The following IL1RAPL1 variants were observed in gnomAD, a reference collection of about 807,000 sequenced individuals.
The protein encoded by IL1RAPL1 is interleukin-1 receptor accessory protein-like 1.
Under a neutral mutation model 48.4 loss-of-function variants are expected in IL1RAPL1, and 3 were observed. The observed-to-expected ratio is 0.06, with a 90% CI of 0.03 to 0.16. The LOEUF (loss-of-function observed/expected upper bound fraction) is 0.16, where lower values mean the gene tolerates loss of function less well. IL1RAPL1 is among the 10% of genes least tolerant of loss of function. The probability of loss-of-function intolerance (pLI) is 1.00; values close to 1 mark genes in which losing one functional copy is unlikely to be tolerated. For synonymous variants in IL1RAPL1, 185 were observed against 187.7 expected, an observed-to-expected ratio of 0.99 and a Z score of 0.12; for missense variants, 349 against 530.6, an observed-to-expected ratio of 0.66 and a Z score of 3.36.
At chrX:28,790,753 T>C (rs1569173428) in intron 2 of IL1RAPL1, among the ~76,000 whole-genome samples, 2 of 112,506 alleles carry the variant, frequency 1.8e-5, no homozygotes, top group East Asian at 5.6e-4. Flanking sequence ...TATGATGTTG[T>C]GGTTTATGTA....
At chrX:29,040,088 G>A (rs1483966395) in intron 2 of IL1RAPL1, among the ~76,000 whole-genome samples, 2 of 112,074 alleles carry the variant, frequency 1.8e-5, no homozygotes, top group Non-Finnish European at 3.8e-5. Context: ...TTATTACAAC[G>A]GTCAGTTACA....
At position 28,726,901 on chromosome X, in the gene IL1RAPL1, A is replaced by G. The variant is rs1014820924; in HGVS notation, c.-24-62419A>G. ...TTAGATACATTGCAGAAACAGAGGA[A>G]TCTAATTGTAGATGCATCTGGCTCA... On this transcript the variant is annotated intron_variant, in intron 1 of 10. Coordinates refer to ENST00000378993, the MANE Select transcript of IL1RAPL1 (RefSeq NM_014271.4). 2.7e-5 allele frequency among the ~76,000 whole-genome samples: 3 copies of G among 111,935 alleles called. No individual in the cohort carries two copies. In the Admixed American group the frequency reaches 2.9e-4, roughly 11 times the overall value.
intron 1 of IL1RAPL1, among the ~76,000 whole-genome samples, chrX:28,674,380 A>C (rs770475553): frequency 9.0e-6 from 1 of 111,680 alleles, no homozygotes; most frequent in African/African-American, 3.2e-5. Context: ...GCACTCAATG[A>C]AACAATTTAA....
At chrX:29,798,382 G>A (rs1434449677) in intron 6 of IL1RAPL1, among the ~76,000 whole-genome samples, 1 of 111,620 alleles carries the variant, frequency 9.0e-6, no homozygotes, top group East Asian at 2.8e-4. Context: ...CTTGCCTCTC[G>A]GTTTTATAGT....
rs1416633851 is a variant in IL1RAPL1, at chrX:29,792,565, AAAGG to A, written c.778+124062_778+124065del. Reference sequence around the variant, plus strand: ...TTAGATGTAAGGTCTGAGGATCTTAAAAGGTATTTTGGGAAGGAAAAAAGAGCAA... The same window carrying A: ...TTAGATGTAAGGTCTGAGGATCTTAATATTTTGGGAAGGAAAAAAGAGCAA... On this transcript the variant is annotated intron_variant, in intron 6 of 10. Coordinates refer to ENST00000378993, the MANE Select transcript of IL1RAPL1 (RefSeq NM_014271.4). Among the ~76,000 whole-genome samples the A allele has an allele frequency of 5.4e-5, 6 of 111,307 alleles. No individual in the cohort carries two copies. The South Asian group carries it at 1.9e-3, about 35-fold the overall frequency.
rs1357611656 is a variant in IL1RAPL1, at chrX:29,568,196, A to G, written c.704-100234A>G. On this transcript the variant is annotated intron_variant, in intron 5 of 10. Transcript: ENST00000378993. ...ATTATTCTTGATTTAAAGATCAAGAATAACAGATTATTCTTGATTTAAAGA... is the reference window on the plus strand; with the variant it reads ...ATTATTCTTGATTTAAAGATCAAGAGTAACAGATTATTCTTGATTTAAAGA... 6.5e-4 allele frequency among the ~76,000 whole-genome samples: 39 copies of G among 60,221 alleles called. No homozygotes were observed. The South Asian group carries it at 8.9e-3, about 14-fold the overall frequency. The allele number at this position is 60,221 out of a possible 115,157, so 52.3% of individuals were successfully genotyped here.
chrX:29,306,547 A>G (rs1439315328), intron 3 of IL1RAPL1, among the ~76,000 whole-genome samples: 1 of 101,454 alleles, frequency 9.9e-6, no homozygotes, highest in Non-Finnish European at 2.0e-5. Context: ...AAAAAAAAAA[A>G]AAAAAACGAA....
intron 3 of IL1RAPL1, among the ~76,000 whole-genome samples, chrX:29,395,231 T>C (rs1933906916): frequency 1.8e-5 from 2 of 111,867 alleles, no homozygotes; most frequent in Non-Finnish European, 3.8e-5. Flanking sequence ...TGGTAAGCAG[T>C]GAGACTCAAA....
intron 5 of IL1RAPL1, among the ~76,000 whole-genome samples, chrX:29,596,882 T>G (rs1407686344): frequency 8.9e-6 from 1 of 111,918 alleles, no homozygotes; most frequent in Non-Finnish European, 1.9e-5. Flanking sequence ...ATAGATTGCT[T>G]TTATTACCTT....
chrX:28,854,115 A>G (rs4893556), intron 2 of IL1RAPL1, among the ~76,000 whole-genome samples: 57,174 of 110,567 alleles, frequency 0.52, 12,368 homozygotes, highest in African/African-American at 0.82. Context: ...TTACCAAGGA[A>G]TACTGATTTT....
intron 1 of IL1RAPL1, among the ~76,000 whole-genome samples, chrX:28,748,267 A>G (rs1936001459): frequency 8.9e-6 from 1 of 112,239 alleles, no homozygotes; most frequent in Admixed American, 9.5e-5. Flanking sequence ...GCCATATGAC[A>G]GTAAGATGGA....
chrX:28,774,026 A>G (rs1391693992), intron 1 of IL1RAPL1, among the ~76,000 whole-genome samples: 1 of 112,005 alleles, frequency 8.9e-6, no homozygotes, highest in Admixed American at 9.5e-5. Context: ...GTTGACCACA[A>G]CTTTCATTTC....
intron 6 of IL1RAPL1, among the ~76,000 whole-genome samples, chrX:29,757,204 A>G (rs762596223): frequency 4.2e-4 from 47 of 112,284 alleles, no homozygotes; most frequent in African/African-American, 1.5e-3. Flanking sequence ...AATATTTTTA[A>G]GTATATACAA....
chrX:29,904,517 C>CT (rs1932568200), intron 6 of IL1RAPL1, among the ~76,000 whole-genome samples: 1 of 109,759 alleles, frequency 9.1e-6, no homozygotes. Flanking sequence ...AATGCTCTCC[C>CT]TCCCTTTGCC....
rs1346055337 is a variant in IL1RAPL1, at chrX:28,899,228, A to C, written c.82+109803A>C. 3.6e-5 allele frequency among the ~76,000 whole-genome samples: 4 copies of C among 111,544 alleles called. No homozygotes were observed. The East Asian group carries it at 1.1e-3, about 32-fold the overall frequency. The stretch of plus-strand genomic sequence containing the variant: ...ATGGGGGAAGCAGCCCCCATGATCC[A>C]ATTACCTCTACCCGGTCTCTCCTTT... On this transcript the variant is annotated intron_variant, in intron 2 of 10. Transcript: ENST00000378993.
chrX:29,802,786 T>TATATAC (rs1470871335), intron 6 of IL1RAPL1, among the ~76,000 whole-genome samples: 2 of 16,281 alleles, frequency 1.2e-4, no homozygotes, highest in African/African-American at 6.0e-4. Flanking sequence ...TATATATGTG[T>TATATAC]GTGTGTATAT....
At position 29,419,563 on chromosome X, in the gene IL1RAPL1, C is replaced by T. The variant is rs1197058894; in HGVS notation, c.703+20255C>T. Among the ~76,000 whole-genome samples, 3 of 111,751 alleles carry T rather than the reference C, an allele frequency of 2.7e-5. No homozygotes were observed. The East Asian group carries it at 8.4e-4, about 31-fold the overall frequency. ...CTTGAACTCCTGACCTCAGGTGATT[C>T]ACCTGCCTCGGCCTCCCAAAATGCT... is the stretch of plus-strand genomic sequence containing the variant. On this transcript the variant is annotated intron_variant, in intron 5 of 10. Coordinates refer to ENST00000378993, the MANE Select transcript of IL1RAPL1 (RefSeq NM_014271.4).
chrX:29,501,127 C>T (rs1345622173), intron 5 of IL1RAPL1, among the ~76,000 whole-genome samples: 1 of 111,873 alleles, frequency 8.9e-6, no homozygotes, highest in Non-Finnish European at 1.9e-5. Flanking sequence ...ATCTTTTGCT[C>T]ATTTCTTAAT....
chrX:29,147,522 C>T (rs1929375032), intron 2 of IL1RAPL1, among the ~76,000 whole-genome samples: 1 of 111,314 alleles, frequency 9.0e-6, no homozygotes, highest in African/African-American at 3.3e-5. Context: ...TGTTTTGTCA[C>T]CAAGGTTGGG....
Sources: gnomAD v4.1 joint callset for allele counts (sites outside exome capture counted in the v4.1 genomes callset) on GRCh38, gnomAD v4.1.1 for gene constraint, MANE v1.5 for transcripts, NCBI Gene and HGNC (gene_info 2026-07-23, HGNC 2026-07-21) for gene names.